LRRC9: variants seen among roughly 807,000 people sequenced by gnomAD.
LRRC9 encodes the protein leucine rich repeat containing 9.
A neutral mutation model predicts 63.2 loss-of-function variants in LRRC9; 122 were observed. The observed-to-expected ratio is 1.93, with a 90% CI of 1.67 to 2.24. The LOEUF (loss-of-function observed/expected upper bound fraction) is 2.24. LRRC9 is among the 30% of genes most tolerant of loss of function. LRRC9 has a pLI of 0.00. For missense variants in LRRC9, 1,071 were observed against 627.7 expected (o/e 1.71, Z -7.55); for synonymous variants, 366 against 213.1 (o/e 1.72, Z -6.25).
At chr14:60,063,489 C>T in exon 32 of LRRC9, 1 of 633,252 alleles carries the variant, frequency 1.6e-6, no homozygotes, top group Non-Finnish European at 2.8e-6. Flanking sequence ...TACTGAAGCA[C>T]TTCAGTTCCA....
intron 29 of LRRC9, among the ~76,000 whole-genome samples, chr14:60,047,215 C>T (rs1448485985): frequency 6.6e-6 from 1 of 152,068 alleles, no homozygotes; most frequent in East Asian, 1.9e-4. Flanking sequence ...CAAACATAGT[C>T]GGAATTCCTC....
At position 59,930,765 on chromosome 14, in the gene LRRC9, TA is replaced by T. The variant is rs144341288; in HGVS notation, c.268-152del. On this transcript the variant is annotated intron_variant, in intron 3 of 31. Transcript: ENST00000445360. This position sits in a 1 kb window ranked among gnomAD's most constrained non-coding sequence, Gnocchi z 4.9. ...GTATTTAAATGGAAAACATGGAATA[TA>T]TTTTTTTCTTTTAAAACAGTTCATT... is the stretch of plus-strand genomic sequence containing the variant. Among the ~76,000 whole-genome samples, 511 of 151,940 alleles carry T rather than the reference TA, an allele frequency of 3.4e-3. 18 individuals are homozygous for T. In the East Asian group the frequency reaches 0.058, roughly 17 times the overall value.
At chr14:60,056,231 T>C (rs1477442566) in intron 30 of LRRC9, among the ~76,000 whole-genome samples, 1 of 152,200 alleles carries the variant, frequency 6.6e-6, no homozygotes, top group African/African-American at 2.4e-5. Flanking sequence ...AGGGGCATTA[T>C]TCTTCCTGCC....
chr14:59,972,850 T>C (rs879706062), intron 12 of LRRC9, among the ~76,000 whole-genome samples: 13 of 152,140 alleles, frequency 8.5e-5, no homozygotes, highest in Non-Finnish European at 1.9e-4. Flanking sequence ...TGAACTGCCA[T>C]CATAGTATGA....
chr14:60,006,488 T>C (rs1439692863), exon 22 of LRRC9: 3 of 702,206 alleles, frequency 4.3e-6, no homozygotes, highest in Non-Finnish European at 7.8e-6. Flanking sequence ...ACATGCTTCA[T>C]CTTCACTCGC....
chr14:59,988,945 TC>T (rs1372996970), intron 17 of LRRC9, among the ~76,000 whole-genome samples: 1 of 152,256 alleles, frequency 6.6e-6, no homozygotes, highest in Admixed American at 6.5e-5. Context: ...AATTTATTTT[TC>T]TGGGGCATCT....
chr14:60,040,670 G>T (rs1410886525), intron 29 of LRRC9, among the ~76,000 whole-genome samples: 1 of 151,822 alleles, frequency 6.6e-6, no homozygotes. Flanking sequence ...TGTGAGATGG[G>T]TCTCCTGAAT....
chr14:60,060,603 T>C lies in LRRC9; in HGVS notation c.4276+2581T>C, dbSNP rs540491649. ...AAAATACAAAAAAATTAGCTGGGCA[T>C]GGTGGCGGGCGCCTGTAGTCCCAGC... On this transcript the variant is annotated intron_variant, in intron 31 of 31. Coordinates refer to ENST00000445360, the Ensembl canonical transcript of LRRC9. This position sits in a 1 kb window ranked among gnomAD's most constrained non-coding sequence, Gnocchi z 4.0. Among the ~76,000 whole-genome samples the C allele has an allele frequency of 5.5e-4, 83 of 152,098 alleles. No homozygotes were observed. Among genetic ancestry groups the C allele is most frequent in the Non-Finnish European group, 1.0e-3 (69 of 67,980 alleles).
Position 59,938,940 on chromosome 14 carries a change from C to CAT in LRRC9, c.726+372_726+373dup, listed in dbSNP as rs1566790233. The stretch of plus-strand genomic sequence containing the variant: ...ATATGCATATATATACACATATATA[C>CAT]ATATACATACATATATACACACATA... On this transcript the variant is annotated intron_variant, in intron 7 of 31. Coordinates refer to ENST00000445360, the Ensembl canonical transcript of LRRC9. The surrounding 1 kb of genome is among the most constrained non-coding windows in gnomAD (Gnocchi z 4.2). Among the ~76,000 whole-genome samples the CAT allele has an allele frequency of 8.5e-3, 928 of 109,252 alleles. 12 individuals carry two copies. Among genetic ancestry groups the CAT allele is most frequent in the African/African-American group, 0.032 (882 of 27,302 alleles). The allele number at this position is 109,252 out of a possible 152,430, so 71.7% of individuals were successfully genotyped here.
chr14:60,042,767 C>T lies in LRRC9; in HGVS notation c.3991-10298C>T, dbSNP rs981400025. 6.6e-6 allele frequency among the ~76,000 whole-genome samples: 1 copy of T among 152,132 alleles called. No individual in the cohort carries two copies. The highest frequency in any genetic ancestry group is 6.5e-5 in the Admixed American group (1 of 15,276). On this transcript the variant is annotated intron_variant, in intron 29 of 31. Coordinates refer to ENST00000445360, the Ensembl canonical transcript of LRRC9. This position sits in a 1 kb window ranked among gnomAD's most constrained non-coding sequence, Gnocchi z 4.2. ...GCTGCACCTATTGTCCGACAAGCCC[C>T]AGTGAGATGAACACAGTACCTCAGT...
At position 59,966,742 on chromosome 14, in the gene LRRC9, G is replaced by C. The variant is rs1594891482; in HGVS notation, c.1365G>C (p.Glu455Asp). 1.5e-6 allele frequency: 1 copy of C among 675,742 alleles called. No individual in the cohort carries two copies. The highest frequency in any genetic ancestry group is 2.7e-5 in the East Asian group (1 of 37,014). The allele number at this position is 675,742 out of a possible 1,614,324, so 41.9% of individuals were successfully genotyped here. A position where few individuals can be genotyped will look rare whatever the true frequency, so the allele number is the denominator to read the frequency against. ...AAGAGAAATTTCAAAAGTTTTTGGAGAATGAAGATATGCATGATTCAGAGT... is the reference window on the plus strand; with the variant it reads ...AAGAGAAATTTCAAAAGTTTTTGGACAATGAAGATATGCATGATTCAGAGT... Residue 455 changes from glutamate (E) to aspartate (D), a missense_variant, in exon 11 of 32, where the codon GAG (glutamate) becomes GAC (aspartate). Coordinates refer to ENST00000445360, the Ensembl canonical transcript of LRRC9. This position sits in a 1 kb window ranked among gnomAD's most constrained non-coding sequence, Gnocchi z 4.0.
intron 23 of LRRC9, among the ~76,000 whole-genome samples, chr14:60,013,539 C>T (rs1169302309): frequency 6.6e-6 from 1 of 152,132 alleles, no homozygotes; most frequent in African/African-American, 2.4e-5. Context: ...GCAATACCTA[C>T]ATCATTGGCT....
chr14:59,954,970 G>A (rs114722657), intron 8 of LRRC9, among the ~76,000 whole-genome samples: 8,598 of 152,130 alleles, frequency 0.057, 728 homozygotes, highest in African/African-American at 0.19. Context: ...ATGTTGAACC[G>A]GCCTTGCATC....
At chr14:59,989,699 C>T (rs529065195) in intron 17 of LRRC9, among the ~76,000 whole-genome samples, 74 of 152,294 alleles carry the variant, frequency 4.9e-4, no homozygotes, top group African/African-American at 1.8e-3. Context: ...CCCCTCTCCA[C>T]ACTCCCACCA....
chr14:59,986,721 C>G lies in LRRC9; in HGVS notation c.2211+1497C>G, dbSNP rs940713535. Among the ~76,000 whole-genome samples the G allele has an allele frequency of 6.6e-6, 1 of 152,078 alleles. No individual in the cohort carries two copies. Among genetic ancestry groups the G allele is most frequent in the Admixed American group, 6.6e-5 (1 of 15,266 alleles). On this transcript the variant is annotated intron_variant, in intron 17 of 31. Coordinates refer to ENST00000445360, the Ensembl canonical transcript of LRRC9. This position sits in a 1 kb window ranked among gnomAD's most constrained non-coding sequence, Gnocchi z 4.7. ...ATAGAGAGTGAGCTTAGCCAGCTGC[C>G]CAGCATTTATTTTGCCATGTGGTGG...
intron 8 of LRRC9, among the ~76,000 whole-genome samples, chr14:59,957,461 G>A (rs1883886990): frequency 6.6e-6 from 1 of 151,956 alleles, no homozygotes; most frequent in African/African-American, 2.4e-5. Context: ...TTCTTATGCT[G>A]TGTTTTTCAG....
chr14:60,060,862 G>A lies in LRRC9; in HGVS notation c.4277-2461G>A, dbSNP rs745417470. Among the ~76,000 whole-genome samples the A allele has an allele frequency of 6.6e-5, 10 of 152,200 alleles. No individual in the cohort carries two copies. The highest frequency in any genetic ancestry group is 1.3e-4 in the Non-Finnish European group (9 of 68,044). On this transcript the variant is annotated intron_variant, in intron 31 of 31. Coordinates refer to ENST00000445360, the Ensembl canonical transcript of LRRC9. The surrounding 1 kb of genome is among the most constrained non-coding windows in gnomAD (Gnocchi z 4.0). ...TTAAAAACATTTGTAATTCATCAGA[G>A]GAGGTCAAAATAGCAACCCTAATGG... is the stretch of plus-strand genomic sequence containing the variant.
At chr14:60,006,421 C>G in exon 22 of LRRC9, 1 of 692,408 alleles carries the variant, frequency 1.4e-6, no homozygotes, top group East Asian at 2.7e-5. Context: ...ACTAAATTAA[C>G]TCGCCTCAGC....
rs138143758 is a variant in LRRC9, at chr14:60,056,255, G to T, written c.4132-1623G>T. 6.6e-4 allele frequency among the ~76,000 whole-genome samples: 100 copies of T among 152,284 alleles called. 4 individuals are homozygous for T. In the Middle Eastern group the frequency reaches 0.02, roughly 31 times the overall value. On this transcript the variant is annotated intron_variant, in intron 30 of 31. Coordinates refer to ENST00000445360, the Ensembl canonical transcript of LRRC9. ...ATTCTTCCTGCCATACCACATATGT[G>T]AGAGCTCCAGTGAAAGACCTATGAA...
Sources: allele counts gnomAD v4.1 joint callset (sites outside exome capture counted in the v4.1 genomes callset), GRCh38; gene constraint gnomAD v4.1.1; non-coding constraint Gnocchi (gnomAD v3.1); transcripts MANE v1.5; gene names NCBI Gene and HGNC (gene_info 2026-07-23, HGNC 2026-07-21).